Variants in UNKL observed in about 807,000 individuals in gnomAD.
UNKL encodes the protein putative E3 ubiquitin-protein ligase UNKL.
Under a neutral mutation model 78.0 loss-of-function variants are expected in UNKL, and 60 were observed. That is an observed-to-expected ratio of 0.77 (90% CI 0.63 to 0.95). UNKL has a LOEUF of 0.95. UNKL is among the 40% of genes least tolerant of loss of function. The pLI, the probability that UNKL is intolerant of heterozygous loss-of-function variation, is 0.00. For missense variants in UNKL, 1,159 were observed against 1,045.7 expected (o/e 1.11, Z -1.49); for synonymous variants, 608 against 474.8 (o/e 1.28, Z -3.65).
chr16:1,400,465 T>C (rs952321953), intron 4 of UNKL, among the ~76,000 whole-genome samples: 2 of 114,692 alleles, frequency 1.7e-5, no homozygotes, highest in East Asian at 5.6e-4. Flanking sequence ...ATCGCTGCCA[T>C]ACGCAATGTC....
rs529287649 is a variant in UNKL at position 1,399,159 on chromosome 16, T to C, written c.734+215A>G. On this transcript the variant is annotated intron_variant, in intron 5 of 14. Coordinates refer to ENST00000389221, the MANE Select transcript of UNKL (RefSeq NM_001372107.1). This position sits in a 1 kb window ranked among gnomAD's most constrained non-coding sequence, Gnocchi z 5.8. The stretch of plus-strand genomic sequence containing the variant: ...CGGTAGGGGACTGCATGGGAGACAC[T>C]GAGCGTAGGTGGGGAGGCCCATCCC... 5 of 1,102,300 alleles carry C rather than the reference T, an allele frequency of 4.5e-6. No homozygotes were observed. Among genetic ancestry groups the C allele is most frequent in the Admixed American group, 3.0e-5 (1 of 32,942 alleles). The allele number at this position is 1,102,300 out of a possible 1,614,324, so 68.3% of individuals were successfully genotyped here.
chr16:1,392,496 G>A (rs997360616), intron 8 of UNKL, among the ~76,000 whole-genome samples: 8 of 151,848 alleles, frequency 5.3e-5, no homozygotes, highest in Non-Finnish European at 1.0e-4. Context: ...GTGAAATGAC[G>A]GGACCTCACC....
chr16:1,368,057 A>ACTTTTTT, intron 12 of UNKL, 199 bp from the exon 13 acceptor site: 7 of 596,660 alleles, frequency 1.2e-5, no homozygotes, highest in South Asian at 4.1e-5. Flanking sequence ...GCTGACAGTG[A>ACTTTTTT]CACCTGCCCC....
Position 1,371,501 on chromosome 16 carries a change from G to A in UNKL, c.1357+18C>T, listed in dbSNP as rs749230125. 6 of 1,535,586 alleles carry A rather than the reference G, an allele frequency of 3.9e-6. No individual in the cohort carries two copies. The highest frequency in any genetic ancestry group is 4.4e-6 in the Non-Finnish European group (5 of 1,146,520). On this transcript the variant is annotated intron_variant, in intron 11 of 14. Transcript: ENST00000389221. ...CAGCGGCTGGAGGAGCAGGGCCCCA[G>A]GTCCTCCCCACCCTCACCTGCTGCT... is the stretch of plus-strand genomic sequence containing the variant.
intron 10 of UNKL, 120 bp downstream of exon 10, chr16:1,385,088 G>A: frequency 3.7e-6 from 3 of 816,656 alleles, no homozygotes; most frequent in Non-Finnish European, 4.9e-6. Context: ...ATACGCGTCT[G>A]GCTTCTCTAC....
chr16:1,391,549 T>C (rs1417523962), intron 8 of UNKL, among the ~76,000 whole-genome samples: 1 of 152,164 alleles, frequency 6.6e-6, no homozygotes, highest in Non-Finnish European at 1.5e-5. Flanking sequence ...TTGTCCCACC[T>C]CAGCCTCCCA....
rs369492030 is a variant in UNKL, at chr16:1,398,494, A to C, written c.734+880T>G. On this transcript the variant is annotated intron_variant, in intron 5 of 14. Coordinates refer to ENST00000389221, the MANE Select transcript of UNKL (RefSeq NM_001372107.1). The stretch of plus-strand genomic sequence containing the variant: ...TGCTCAGAGGGAGACTGAACGTGGC[A>C]TAACAACAAGGAGTGGGGCGTCCTT... 8.0e-6 allele frequency: 10 copies of C among 1,242,390 alleles called. No homozygotes were observed. In the Admixed American group the frequency reaches 1.2e-4, roughly 15 times the overall value. The allele number at this position is 1,242,390 out of a possible 1,614,324, so 77.0% of individuals were successfully genotyped here.
At chr16:1,402,394 G>A (rs1304911191) in intron 3 of UNKL, among the ~76,000 whole-genome samples, 1 of 152,248 alleles carries the variant, frequency 6.6e-6, no homozygotes, top group Non-Finnish European at 1.5e-5. Flanking sequence ...CAGGTGCAGC[G>A]GCTCACGTCT....
intron 1 of UNKL, 27 bp downstream of exon 1, chr16:1,414,588 G>T: frequency 9.9e-7 from 1 of 1,011,242 alleles, no homozygotes. Context: ...GCGCGGGCGG[G>T]GGGCCGCAGG....
chr16:1,375,437 G>C (rs75672665), intron 10 of UNKL, among the ~76,000 whole-genome samples: 2,403 of 152,348 alleles, frequency 0.016, 75 homozygotes, highest in African/African-American at 0.055. Context: ...AGCCGTGAGG[G>C]AATTTCCGGG....
chr16:1,409,935 C>A (rs1289978830), intron 2 of UNKL, among the ~76,000 whole-genome samples: 5 of 151,952 alleles, frequency 3.3e-5, no homozygotes, highest in African/African-American at 9.7e-5. Flanking sequence ...CAAAAATTAG[C>A]CAGGCATGGT....
chr16:1,374,399 C>G (rs2036053873), intron 10 of UNKL, among the ~76,000 whole-genome samples: 1 of 152,144 alleles, frequency 6.6e-6, no homozygotes, highest in African/African-American at 2.4e-5. Context: ...GCAAAGCCAC[C>G]CCTGCCTGTC....
chr16:1,375,679 A>C (rs2036163755), intron 10 of UNKL, among the ~76,000 whole-genome samples: 1 of 152,190 alleles, frequency 6.6e-6, no homozygotes, highest in Non-Finnish European at 1.5e-5. Flanking sequence ...CGGGGCAGCC[A>C]GGCCAAGACC....
Position 1,387,186 on chromosome 16 carries a change from C to T in UNKL, c.1087-1801G>A, listed in dbSNP as rs180854196. ...CATGCAGCACCGGGGACCCTCCCAG[C>T]CATGCAACACCGGGGACACTCCCAG... is the stretch of plus-strand genomic sequence containing the variant. On this transcript the variant is annotated intron_variant, in intron 9 of 14. Coordinates refer to ENST00000389221, the MANE Select transcript of UNKL (RefSeq NM_001372107.1). The surrounding 1 kb of genome is among the most constrained non-coding windows in gnomAD (Gnocchi z 4.1). 2.4e-3 allele frequency among the ~76,000 whole-genome samples: 359 copies of T among 151,556 alleles called. No homozygotes were observed. Among genetic ancestry groups the T allele is most frequent in the African/African-American group, 8.1e-3 (333 of 41,092 alleles).
At chr16:1,370,440 C>T (rs912659783) in intron 11 of UNKL, 83 bp from the exon 12 acceptor site, 200 of 1,480,712 alleles carry the variant, frequency 1.4e-4, no homozygotes, top group African/African-American at 1.8e-4. Context: ...CCGTGGAAGA[C>T]GGACCCTGCA....
At chr16:1,369,813 A>T (rs918980728) in intron 12 of UNKL, 2 of 832,492 alleles carry the variant, frequency 2.4e-6, no homozygotes, top group Non-Finnish European at 3.7e-6. Context: ...CATCTCTACT[A>T]AAAATACAAA....
rs779353282 is a variant in UNKL at position 1,385,260 on chromosome 16, G to C, written c.1212C>G (p.Pro404=). 4 of 1,326,884 alleles carry C rather than the reference G, an allele frequency of 3.0e-6. No individual in the cohort carries two copies. Among genetic ancestry groups the C allele is most frequent in the South Asian group, 2.0e-5 (1 of 50,648 alleles). The allele number at this position is 1,326,884 out of a possible 1,614,324, so 82.2% of individuals were successfully genotyped here. A position where few individuals can be genotyped will look rare whatever the true frequency, so the allele number is the denominator to read the frequency against. ...SSSPTALPAP[P]ARALPLGPAS... is the part of the protein sequence containing the mutation. The stretch of plus-strand genomic sequence containing the variant: ...CGGGGCCGAGCGGGAGGGCACGGGC[G>C]GGGGGCGCGGGCAGCGCAGTGGGGG... Residue 404 remains proline, a synonymous_variant, in exon 10 of 15, where the codon CCC becomes CCG. Transcript: ENST00000389221.
Position 1,367,303 on chromosome 16 carries a change from G to C in UNKL, c.1835C>G (p.Ala612Gly). 4 of 1,555,898 alleles carry C rather than the reference G, an allele frequency of 2.6e-6. No homozygotes were observed. The highest frequency in any genetic ancestry group is 3.5e-6 in the Non-Finnish European group (4 of 1,154,994). The change falls in exon 14 of 15, where the codon GCC becomes GGC. Residue 612 changes from alanine to glycine, a missense_variant. Ala to Gly is a moderately conservative substitution (Grantham distance 60). Transcript: ENST00000389221. ...CTGCCGGTCGCTATCGGCCACACGGGCACGCTCCTTGGCCTCCTGCGCCTC... is the reference window on the plus strand; with the variant it reads ...CTGCCGGTCGCTATCGGCCACACGGCCACGCTCCTTGGCCTCCTGCGCCTC... ...QREAQEAKER[A>G]RVADSDRQLA... is the part of the protein sequence containing the mutation.
At chr16:1,370,063 C>T (rs1191081581) in intron 12 of UNKL, 67 bp downstream of exon 12, 33 of 1,549,284 alleles carry the variant, frequency 2.1e-5, no homozygotes, top group Middle Eastern at 3.3e-4. Context: ...TCAGTCAGGA[C>T]GGCATCTGGG....
Sources: gnomAD v4.1 joint callset for allele counts (sites outside exome capture counted in the v4.1 genomes callset) on GRCh38, gnomAD v4.1.1 for gene constraint, Gnocchi (gnomAD v3.1) non-coding constraint, MANE v1.5 for transcripts, NCBI Gene and HGNC (gene_info 2026-07-23, HGNC 2026-07-21) for gene names.